SIL1: variants seen among roughly 807,000 people sequenced by gnomAD.
The protein encoded by SIL1 is SIL1 nucleotide exchange factor.
SIL1 carries 40 observed loss-of-function variants against 49.1 expected under a neutral mutation model. The observed-to-expected ratio is 0.81, with a 90% CI of 0.63 to 1.06. The LOEUF (loss-of-function observed/expected upper bound fraction) is 1.06, where lower values mean the gene tolerates loss of function less well. SIL1 is among the 50% of genes least tolerant of loss of function. The pLI is 0.00. For missense variants in SIL1, 500 were observed against 572.6 expected (o/e 0.87, Z 1.29); for synonymous variants, 253 against 250.8 (o/e 1.01, Z -0.08).
At chr5:139,144,697 C>T (rs1751157730) in intron 1 of SIL1, among the ~76,000 whole-genome samples, 1 of 152,030 alleles carries the variant, frequency 6.6e-6, no homozygotes, top group Non-Finnish European at 1.5e-5. Flanking sequence ...ATGGCAAAAC[C>T]CCGTCTCTAC....
At chr5:139,021,925 T>C (rs1221382514) in intron 6 of SIL1, 4 of 171,648 alleles carry the variant, frequency 2.3e-5, no homozygotes, top group Non-Finnish European at 3.8e-5. Context: ...CTAGTGGCTA[T>C]GTATCAGACA....
chr5:138,966,276 C>T (rs1234428480), intron 7 of SIL1, among the ~76,000 whole-genome samples: 2 of 152,150 alleles, frequency 1.3e-5, no homozygotes, highest in Non-Finnish European at 2.9e-5. Flanking sequence ...TAGCTTCCCT[C>T]CAAACTAATC....
At chr5:138,985,039 G>A (rs968861532) in intron 7 of SIL1, among the ~76,000 whole-genome samples, 4 of 152,220 alleles carry the variant, frequency 2.6e-5, no homozygotes, top group African/African-American at 7.2e-5. Flanking sequence ...ATGGCAGTGG[G>A]CACATGGGGA....
At chr5:139,031,298 ATTT>A (rs565783094) in intron 5 of SIL1, among the ~76,000 whole-genome samples, 1 of 151,750 alleles carries the variant, frequency 6.6e-6, no homozygotes, top group African/African-American at 2.4e-5. Flanking sequence ...TTTTGAATTA[ATTT>A]TTTTTAAGGT....
rs998165133 is a variant in SIL1 at position 139,031,238 on chromosome 5, A to AT, written c.454-4247dup. Among the ~76,000 whole-genome samples the AT allele has an allele frequency of 4.4e-3, 651 of 149,654 alleles. 7 individuals are homozygous for AT. Among genetic ancestry groups the AT allele is most frequent in the African/African-American group, 0.011 (433 of 40,734 alleles). Reference sequence around the variant, plus strand: ...GATGTTCTATGTTTCATTCTAGAAGATTTTTTTTTTCTTTTTAGTTTCACA... The same window carrying AT: ...GATGTTCTATGTTTCATTCTAGAAGATTTTTTTTTTTCTTTTTAGTTTCACA... On this transcript the variant is annotated intron_variant, in intron 5 of 9. Transcript: ENST00000394817.
At chr5:139,045,120 G>C (rs1769124989) in intron 4 of SIL1, among the ~76,000 whole-genome samples, 1 of 152,144 alleles carries the variant, frequency 6.6e-6, no homozygotes, top group Non-Finnish European at 1.5e-5. Flanking sequence ...ACTTTGGGAG[G>C]CTGAGGAGGG....
At position 138,951,222 on chromosome 5, in the gene SIL1, C is replaced by T. The variant is rs1766767896; in HGVS notation, c.978G>A (p.Glu326=). Residue 326 remains glutamate (E), a synonymous_variant, in exon 9 of 10, where the codon GAG becomes GAA. Transcript: ENST00000394817. ...LRTLVQEKGT[E]VLAVRVVTLL... Reference sequence around the variant, plus strand: ...GTGTGACCACGCGCACGGCGAGCACCTCCGTGCCCTTCTCCTGCACCAGGG... The same window carrying T: ...GTGTGACCACGCGCACGGCGAGCACTTCCGTGCCCTTCTCCTGCACCAGGG... The T allele has an allele frequency of 3.1e-6, 5 of 1,607,950 alleles. No homozygotes were observed. In the African/African-American group the frequency reaches 5.3e-5, roughly 17 times the overall value.
At chr5:139,171,096 C>G (rs1374012573) in intron 1 of SIL1, among the ~76,000 whole-genome samples, 2 of 151,476 alleles carry the variant, frequency 1.3e-5, no homozygotes, top group Non-Finnish European at 3.0e-5. Context: ...AGCCCCCTGC[C>G]CGGCCAGCCG....
At chr5:139,191,185 TCA>T (rs1347859381) in intron 1 of SIL1, among the ~76,000 whole-genome samples, 5 of 119,628 alleles carry the variant, frequency 4.2e-5, no homozygotes, top group Non-Finnish European at 7.9e-5. Context: ...TGAGCCAAGA[TCA>T]CACTCACACC....
chr5:139,131,162 C>T (rs1217160412), intron 1 of SIL1, among the ~76,000 whole-genome samples: 4 of 152,084 alleles, frequency 2.6e-5, no homozygotes, highest in African/African-American at 9.7e-5. Flanking sequence ...CAGTATTAGC[C>T]CAGACCCTTA....
At chr5:139,053,190 T>C (rs1581061521) in intron 3 of SIL1, among the ~76,000 whole-genome samples, 2 of 152,026 alleles carry the variant, frequency 1.3e-5, no homozygotes, top group Non-Finnish European at 2.9e-5. Context: ...AACAAGACAA[T>C]AGTCCCTTCC....
At chr5:139,156,799 G>A (rs1751415071) in intron 1 of SIL1, among the ~76,000 whole-genome samples, 1 of 152,194 alleles carries the variant, frequency 6.6e-6, no homozygotes. Context: ...CTTAACTTCA[G>A]CCCAGTGACA....
chr5:139,170,595 C>T (rs1440534137), intron 1 of SIL1, among the ~76,000 whole-genome samples: 5 of 150,318 alleles, frequency 3.3e-5, no homozygotes, highest in Admixed American at 2.6e-4. Flanking sequence ...TCTGCCCGGC[C>T]GCCCCCATCT....
intron 7 of SIL1, among the ~76,000 whole-genome samples, chr5:139,002,649 A>G (rs1768013175): frequency 6.6e-6 from 1 of 152,220 alleles, no homozygotes; most frequent in Non-Finnish European, 1.5e-5. Flanking sequence ...AAAGAGCTGT[A>G]TTGTTTTCAA....
intron 7 of SIL1, among the ~76,000 whole-genome samples, chr5:139,001,462 C>T (rs1767982190): frequency 2.0e-5 from 3 of 152,104 alleles, no homozygotes. Flanking sequence ...TCTAAATGTT[C>T]CTTAACAAAG....
intron 1 of SIL1, among the ~76,000 whole-genome samples, chr5:139,180,059 A>T (rs1294264530): frequency 4.1e-5 from 2 of 48,712 alleles, no homozygotes; most frequent in Non-Finnish European, 1.3e-4. Flanking sequence ...CTGTCTCTTT[A>T]AAAAAAAAAA....
At chr5:139,047,685 C>T (rs1029763025) in intron 4 of SIL1, among the ~76,000 whole-genome samples, 1 of 152,224 alleles carries the variant, frequency 6.6e-6, no homozygotes, top group East Asian at 1.9e-4. Context: ...CAGGAAGACA[C>T]CATGAAATGG....
intron 1 of SIL1, among the ~76,000 whole-genome samples, chr5:139,136,593 A>C (rs1405492137): frequency 6.6e-6 from 1 of 152,168 alleles, no homozygotes; most frequent in African/African-American, 2.4e-5. Flanking sequence ...GAATCCTGAG[A>C]AAATCCAGTT....
chr5:138,951,989 A>C, intron 7 of SIL1, 105 bp from the exon 8 acceptor site: 1 of 1,032,834 alleles, frequency 9.7e-7, no homozygotes, highest in Non-Finnish European at 1.5e-6. Context: ...AACAAGAACA[A>C]CAGAGGTTCC....
Sources: allele counts gnomAD v4.1 joint callset (sites outside exome capture counted in the v4.1 genomes callset), GRCh38; gene constraint gnomAD v4.1.1; transcripts MANE v1.5; gene names NCBI Gene and HGNC (gene_info 2026-07-23, HGNC 2026-07-21).